The following ADCY8 variants were observed in gnomAD, a reference collection of about 807,000 sequenced individuals.
ADCY8 encodes the protein adenylate cyclase 8.
In ADCY8, 51 loss-of-function variants were observed where a neutral mutation model predicts 119.7. The ratio of observed to expected loss-of-function variants is 0.43; its 90% CI spans 0.34 to 0.54. The LOEUF is 0.54. Ranked by LOEUF, ADCY8 falls within the 20% of genes least tolerant of loss-of-function variation. ADCY8 has a pLI of 0.03. For missense variants in ADCY8, 1,383 were observed against 1,598.8 expected, an observed-to-expected ratio of 0.87 and a Z score of 2.30; for synonymous variants, 665 against 651.0, an observed-to-expected ratio of 1.02 and a Z score of -0.33.
At chr8:130,972,694 G>A (rs866999036) in intron 2 of ADCY8, among the ~76,000 whole-genome samples, 2 of 152,002 alleles carry the variant, frequency 1.3e-5, no homozygotes, top group East Asian at 1.9e-4. Flanking sequence ...CTTTCCTGGC[G>A]GTCATTTAGG....
chr8:130,783,383 C>G (rs948149163), intron 17 of ADCY8, among the ~76,000 whole-genome samples: 1 of 152,218 alleles, frequency 6.6e-6, no homozygotes, highest in Admixed American at 6.5e-5. Context: ...TCAGCTACAT[C>G]TCTATGCACG....
At chr8:130,781,697 C>T (rs879470313) in intron 17 of ADCY8, among the ~76,000 whole-genome samples, 4 of 152,128 alleles carry the variant, frequency 2.6e-5, no homozygotes, top group Non-Finnish European at 4.4e-5. Context: ...TTTCCCCCTG[C>T]TTGTGCTATT....
At chr8:130,948,142 C>T (rs1821160390) in intron 3 of ADCY8, among the ~76,000 whole-genome samples, 2 of 152,190 alleles carry the variant, frequency 1.3e-5, no homozygotes, top group South Asian at 4.1e-4. Context: ...GAATCACCCA[C>T]TGACCAGTAA....
chr8:130,970,753 T>G (rs186360669), intron 2 of ADCY8, among the ~76,000 whole-genome samples: 83 of 152,316 alleles, frequency 5.4e-4, no homozygotes, highest in African/African-American at 1.9e-3. Flanking sequence ...ATTGTTTCTT[T>G]TTTAGGTCAC....
chr8:130,941,710 A>T (rs1237782879), intron 4 of ADCY8, among the ~76,000 whole-genome samples: 1 of 152,058 alleles, frequency 6.6e-6, no homozygotes, highest in Non-Finnish European at 1.5e-5. Context: ...ATTTATACTA[A>T]GGTTGCTTGA....
At chr8:130,997,226 AAT>A (rs529207726) in intron 1 of ADCY8, among the ~76,000 whole-genome samples, 6 of 150,820 alleles carry the variant, frequency 4.0e-5, no homozygotes, top group African/African-American at 1.2e-4. Context: ...AATATGAAGA[AAT>A]ATATATATAC....
chr8:130,790,251 A>T (rs189238995), intron 15 of ADCY8, among the ~76,000 whole-genome samples: 1 of 152,286 alleles, frequency 6.6e-6, no homozygotes, highest in East Asian at 1.9e-4. Context: ...GGCACATTTC[A>T]ATTCCCATTC....
intron 4 of ADCY8, among the ~76,000 whole-genome samples, 184 bp from the exon 5 acceptor site, chr8:130,937,384 G>T (rs1268023880): frequency 6.6e-6 from 1 of 152,158 alleles, no homozygotes; most frequent in Non-Finnish European, 1.5e-5. Flanking sequence ...ATGGGGGTTT[G>T]AAGGACCCAG....
At chr8:130,880,997 C>T (rs1347775392) in intron 8 of ADCY8, among the ~76,000 whole-genome samples, 1 of 152,174 alleles carries the variant, frequency 6.6e-6, no homozygotes, top group African/African-American at 2.4e-5. Context: ...CATGAGCATA[C>T]TGTTCTGAAG....
At chr8:130,806,085 G>A (rs1384864482) in intron 14 of ADCY8, among the ~76,000 whole-genome samples, 1 of 152,198 alleles carries the variant, frequency 6.6e-6, no homozygotes, top group Non-Finnish European at 1.5e-5. Context: ...GCTGGTGAAG[G>A]CAGGAACGTG....
chr8:130,883,342 T>C (rs542576424), intron 8 of ADCY8, among the ~76,000 whole-genome samples: 21 of 152,298 alleles, frequency 1.4e-4, no homozygotes, highest in Admixed American at 1.2e-3. Context: ...AATTATATGA[T>C]GAATAAGAGA....
rs778090160 is a variant in ADCY8 at position 130,906,465 on chromosome 8, A to C, written c.1641-2423T>G. ...GACAAATACTTCCATGTATTAAATC[A>C]ATATTATGTTTTCACTAGTGAAAGA... On this transcript the variant is annotated intron_variant, in intron 6 of 17. Coordinates refer to ENST00000286355, the MANE Select transcript of ADCY8 (RefSeq NM_001115.3). Among the ~76,000 whole-genome samples the C allele has an allele frequency of 1.4e-3, 208 of 152,180 alleles. 3 individuals carry two copies. The highest frequency in any genetic ancestry group is 3.2e-4 in the Non-Finnish European group (22 of 68,018).
rs58118034 is a variant in ADCY8, at chr8:130,846,058, C to T, written c.2502+1366G>A. Among the ~76,000 whole-genome samples the T allele has an allele frequency of 4.1e-3, 623 of 152,172 alleles. 6 individuals are homozygous for T. The highest frequency in any genetic ancestry group is 0.014 in the African/African-American group (592 of 41,526). ...CAGGTGCTCTATGCAAATGGACGGA[C>T]GGAGAGGAGGCTTGGTCTCCTTGTT... is the stretch of plus-strand genomic sequence containing the variant. On this transcript the variant is annotated intron_variant, in intron 11 of 17. Transcript: ENST00000286355.
chr8:131,021,330 C>A (rs1823660581), intron 1 of ADCY8, among the ~76,000 whole-genome samples: 1 of 152,004 alleles, frequency 6.6e-6, no homozygotes, highest in Non-Finnish European at 1.5e-5. Context: ...TCCTCATAGT[C>A]CAAGATGGCT....
At chr8:130,937,239 C>A (rs770024537) in intron 4 of ADCY8, 39 bp from the exon 5 acceptor site, 2 of 1,590,992 alleles carry the variant, frequency 1.3e-6, no homozygotes, top group Admixed American at 3.5e-5. Flanking sequence ...TCTATGTCAG[C>A]AGAAGGATCA....
At chr8:130,930,325 C>T (rs1254894890) in intron 5 of ADCY8, among the ~76,000 whole-genome samples, 3 of 151,616 alleles carry the variant, frequency 2.0e-5, no homozygotes, top group South Asian at 4.2e-4. Flanking sequence ...AATCTCAGCT[C>T]ACTGCAAGCT....
intron 5 of ADCY8, among the ~76,000 whole-genome samples, chr8:130,933,857 T>C (rs143072763): frequency 7.3e-4 from 111 of 152,382 alleles, no homozygotes; most frequent in African/African-American, 2.6e-3. Flanking sequence ...CAAATCCTTA[T>C]GGAAAGTCTG....
At chr8:130,800,679 G>T in intron 14 of ADCY8, 107 bp from the exon 15 acceptor site, 1 of 1,248,448 alleles carries the variant, frequency 8.0e-7, no homozygotes. Flanking sequence ...GTCACCCACA[G>T]AGAGACAGAA....
chr8:130,946,616 A>G (rs1821113683), intron 3 of ADCY8, among the ~76,000 whole-genome samples: 1 of 152,184 alleles, frequency 6.6e-6, no homozygotes, highest in African/African-American at 2.4e-5. Flanking sequence ...TAGCACAATC[A>G]TATGTGGCTA....
Sources: allele counts gnomAD v4.1 joint callset (sites outside exome capture counted in the v4.1 genomes callset), GRCh38; gene constraint gnomAD v4.1.1; transcripts MANE v1.5; gene names NCBI Gene and HGNC (gene_info 2026-07-23, HGNC 2026-07-21).